Variants in ZBTB20 observed in about 807,000 individuals in gnomAD.
ZBTB20 encodes the protein zinc finger and BTB domain containing 20.
Under a neutral mutation model 56.9 loss-of-function variants are expected in ZBTB20, and 9 were observed. The ratio of observed to expected loss-of-function variants is 0.16; its 90% CI spans 0.10 to 0.28. The LOEUF (loss-of-function observed/expected upper bound fraction) is 0.28. Among genes scored for constraint, ZBTB20 ranks in the 10% least tolerant of loss-of-function variants. ZBTB20 has a pLI of 1.00. For synonymous variants in ZBTB20, 417 were observed against 420.7 expected (o/e 0.99, Z 0.11); for missense variants, 655 against 1,003.0 (o/e 0.65, Z 4.69).
chr3:114,564,262 C>G (rs1389152927), intron 6 of ZBTB20, among the ~76,000 whole-genome samples: 1 of 151,994 alleles, frequency 6.6e-6, no homozygotes, highest in Admixed American at 6.6e-5. Flanking sequence ...CTCAAAAATC[C>G]TTAATTTAGT....
intron 1 of ZBTB20, among the ~76,000 whole-genome samples, chr3:115,083,526 T>C (rs369896060): frequency 7.2e-5 from 11 of 152,162 alleles, no homozygotes; most frequent in African/African-American, 2.6e-4. Context: ...ATAATAAAAC[T>C]TAAACCTAAG....
chr3:115,055,940 G>A (rs748347133), intron 2 of ZBTB20, among the ~76,000 whole-genome samples: 15 of 151,830 alleles, frequency 9.9e-5, no homozygotes, highest in Non-Finnish European at 2.1e-4. Context: ...CATAATCCAA[G>A]GTAAAGACCC....
At chr3:114,695,123 T>G (rs1397242836) in intron 5 of ZBTB20, among the ~76,000 whole-genome samples, 1 of 152,056 alleles carries the variant, frequency 6.6e-6, no homozygotes, top group Non-Finnish European at 1.5e-5. Context: ...ACTGAGGTTC[T>G]TGTTGCCACA....
chr3:114,932,017 C>G (rs1205405295), intron 3 of ZBTB20, among the ~76,000 whole-genome samples: 1 of 152,182 alleles, frequency 6.6e-6, no homozygotes, highest in Non-Finnish European at 1.5e-5. Context: ...GACTCTGAAG[C>G]TTTTCTTCAT....
In ZBTB20 at chr3:114,338,349, G is replaced by C. The variant is rs893676677; in HGVS notation, c.*656C>G. ...AAGGTGGGCCAGGGTGTGTGGACCCGGGCAGAATCTGGGGAAGAAGCCTGC... is the reference window on the plus strand; with the variant it reads ...AAGGTGGGCCAGGGTGTGTGGACCCCGGCAGAATCTGGGGAAGAAGCCTGC... On this transcript the variant is annotated 3_prime_UTR_variant, in exon 12 of 12. Coordinates refer to ENST00000675478, the MANE Select transcript of ZBTB20 (RefSeq NM_001348800.3). The C allele has an allele frequency of 6.6e-6, 1 of 152,102 alleles. No individual in the cohort carries two copies. The highest frequency in any genetic ancestry group is 2.4e-5 in the African/African-American group (1 of 41,410). 9.4% of individuals were successfully genotyped at this position (152,102 alleles called of 1,614,324 possible).
chr3:114,655,629 T>C (rs529718505), intron 6 of ZBTB20, among the ~76,000 whole-genome samples: 1 of 152,350 alleles, frequency 6.6e-6, no homozygotes, highest in African/African-American at 2.4e-5. Context: ...TAGCTGTACC[T>C]TTTTTGTTAT....
chr3:114,753,419 A>ATATATATATACACACG (rs1239529612), intron 5 of ZBTB20, among the ~76,000 whole-genome samples: 17 of 141,728 alleles, frequency 1.2e-4, no homozygotes, highest in Admixed American at 3.6e-4. Context: ...ACACGTATAT[A>ATATATATATACACACG]TATATATATA....
chr3:114,459,321 T>C (rs1409796363), intron 7 of ZBTB20, among the ~76,000 whole-genome samples: 1 of 152,194 alleles, frequency 6.6e-6, no homozygotes, highest in Admixed American at 6.5e-5. Context: ...TATAGAGAGA[T>C]TTGTATCAAA....
chr3:115,112,352 A>C (rs1379679538), intron 1 of ZBTB20, among the ~76,000 whole-genome samples: 1 of 151,834 alleles, frequency 6.6e-6, no homozygotes, highest in African/African-American at 2.4e-5. Flanking sequence ...ATTTTGCAAT[A>C]TAGAATATTT....
chr3:114,555,389 G>A (rs1294953654), intron 6 of ZBTB20, among the ~76,000 whole-genome samples: 1 of 151,954 alleles, frequency 6.6e-6, no homozygotes, highest in East Asian at 1.9e-4. Flanking sequence ...CACGCCTGTC[G>A]ACATCCCAGC....
intron 5 of ZBTB20, among the ~76,000 whole-genome samples, chr3:114,734,840 CT>C (rs1467460809): frequency 1.3e-5 from 2 of 152,024 alleles, no homozygotes; most frequent in East Asian, 3.9e-4. Context: ...GGAACCAAGC[CT>C]AGACAGGATG....
chr3:114,762,208 T>C (rs929404976), intron 5 of ZBTB20, among the ~76,000 whole-genome samples: 2 of 152,194 alleles, frequency 1.3e-5, no homozygotes, highest in Non-Finnish European at 2.9e-5. Flanking sequence ...TCCAAGTGAT[T>C]AATACAATAT....
chr3:114,682,636 G>A (rs2062051304), intron 6 of ZBTB20, among the ~76,000 whole-genome samples: 2 of 152,090 alleles, frequency 1.3e-5, no homozygotes, highest in Admixed American at 1.3e-4. Flanking sequence ...TTGTAAATGT[G>A]GTATCAATCA....
At chr3:114,795,253 A>G (rs1381426499) in intron 5 of ZBTB20, among the ~76,000 whole-genome samples, 1 of 152,076 alleles carries the variant, frequency 6.6e-6, no homozygotes, top group Non-Finnish European at 1.5e-5. Flanking sequence ...TAGCATGTGT[A>G]TATTATTTAC....
Position 114,316,496 on chromosome 3 carries a change from ATAATATATACACTAT to A in ZBTB20, c.*22494_*22508del. Reference sequence around the variant, plus strand: ...TGCACATATACACACCTATACATGTATAATATATACACTATATATATGTGGATACATATAGGAAGT... The same window carrying A: ...TGCACATATACACACCTATACATGTAATATATGTGGATACATATAGGAAGT... On this transcript the variant is annotated 3_prime_UTR_variant, in exon 12 of 12. Transcript: ENST00000675478. 2 of 521,454 alleles carry A rather than the reference ATAATATATACACTAT, an allele frequency of 3.8e-6. No homozygotes were observed. Among genetic ancestry groups the A allele is most frequent in the South Asian group, 2.9e-5 (2 of 69,720 alleles). The allele number at this position is 521,454 out of a possible 1,614,324, so 32.3% of individuals were successfully genotyped here.
chr3:114,578,144 T>C (rs1395384583), intron 6 of ZBTB20, among the ~76,000 whole-genome samples: 1 of 151,766 alleles, frequency 6.6e-6, no homozygotes, highest in African/African-American at 2.4e-5. Context: ...TAAAACTTAA[T>C]CAGAAATCTT....
chr3:115,045,297 C>T (rs1236553777), intron 2 of ZBTB20, among the ~76,000 whole-genome samples: 1 of 151,964 alleles, frequency 6.6e-6, no homozygotes, highest in Non-Finnish European at 1.5e-5. Context: ...TGCATATAAA[C>T]ATAAATACAT....
In ZBTB20 at chr3:115,008,441, G is replaced by C. The variant is rs1298243602; in HGVS notation, c.-506-34025C>G. 3.3e-5 allele frequency among the ~76,000 whole-genome samples: 5 copies of C among 151,742 alleles called. No homozygotes were observed. The East Asian group carries it at 9.7e-4, about 30-fold the overall frequency. On this transcript the variant is annotated intron_variant, in intron 2 of 11. Transcript: ENST00000675478. ...GAGATGTATCATCAATATTCAACTG[G>C]TATTAGAAAAATAACCATAAAAATG...
At chr3:115,045,458 A>T (rs1403176844) in intron 2 of ZBTB20, among the ~76,000 whole-genome samples, 1 of 152,030 alleles carries the variant, frequency 6.6e-6, no homozygotes, top group East Asian at 1.9e-4. Flanking sequence ...AAAAAGTCAT[A>T]TATATTTAAA....
Sources: allele counts gnomAD v4.1 joint callset (sites outside exome capture counted in the v4.1 genomes callset), GRCh38; gene constraint gnomAD v4.1.1; transcripts MANE v1.5; gene names NCBI Gene and HGNC (gene_info 2026-07-23, HGNC 2026-07-21).